The following ITPKB variants were observed in gnomAD, a reference collection of about 807,000 sequenced individuals.
ITPKB encodes inositol-trisphosphate 3-kinase B, also known as IP3 3-kinase B.
ITPKB carries 13 observed loss-of-function variants against 69.4 expected under a neutral mutation model. The observed-to-expected ratio is 0.19, with a 90% confidence interval of 0.12 to 0.30. The LOEUF is 0.30. Ranked by LOEUF, ITPKB falls within the 10% of genes least tolerant of loss-of-function variation. The pLI is 1.00. For missense variants in ITPKB, 1,240 were observed against 1,250.5 expected, an observed-to-expected ratio of 0.99 and a Z score of 0.13; for synonymous variants, 584 against 513.7, an observed-to-expected ratio of 1.14 and a Z score of -1.85.
intron 2 of ITPKB, among the ~76,000 whole-genome samples, chr1:226,649,305 GTGTGTGCATA>G (rs1350257210): frequency 2.7e-5 from 4 of 148,960 alleles, no homozygotes; most frequent in Admixed American, 1.3e-4. Context: ...GTGTGCATGT[GTGTGTGCATA>G]TGTGTGCATG....
chr1:226,719,215 G>T (rs866910145), intron 2 of ITPKB, among the ~76,000 whole-genome samples: 1 of 152,188 alleles, frequency 6.6e-6, no homozygotes, highest in African/African-American at 2.4e-5. Context: ...GGAGGCAGAG[G>T]TTCCAGTGAG....
intron 2 of ITPKB, among the ~76,000 whole-genome samples, chr1:226,677,783 G>A (rs930786656): frequency 2.6e-5 from 4 of 152,210 alleles, no homozygotes; most frequent in African/African-American, 9.7e-5. Flanking sequence ...ACCACTGAAA[G>A]AGCACCCATT....
chr1:226,669,613 G>A (rs1272821008), intron 2 of ITPKB, among the ~76,000 whole-genome samples: 2 of 152,220 alleles, frequency 1.3e-5, no homozygotes, highest in South Asian at 4.1e-4. Flanking sequence ...TATCCAAAAC[G>A]TGAAAACTCA....
intron 2 of ITPKB, among the ~76,000 whole-genome samples, chr1:226,649,777 C>G (rs947993034): frequency 8.6e-5 from 13 of 151,808 alleles, no homozygotes; most frequent in African/African-American, 3.1e-4. Context: ...TTCATTTATA[C>G]AACTACTTGA....
chr1:226,656,527 A>T (rs1669292772), intron 2 of ITPKB: 3 of 152,250 alleles, frequency 2.0e-5, no homozygotes, highest in Non-Finnish European at 4.4e-5. Context: ...TTCCAGTCCC[A>T]GTGTACCCCA....
At chr1:226,686,713 T>C (rs531069238) in intron 2 of ITPKB, among the ~76,000 whole-genome samples, 1 of 152,348 alleles carries the variant, frequency 6.6e-6, no homozygotes, top group Non-Finnish European at 1.5e-5. Flanking sequence ...GATTCTTTCA[T>C]GAAAGATCAT....
chr1:226,655,551 G>A (rs3754388), intron 2 of ITPKB, among the ~76,000 whole-genome samples: 3,241 of 152,212 alleles, frequency 0.021, 107 homozygotes, highest in Admixed American at 0.088. Context: ...TGGCAGGAGC[G>A]GTGAGGATGC....
chr1:226,737,573 C>T lies in ITPKB; in HGVS notation c.-115G>A. The T allele has an allele frequency of 1.7e-6, 2 of 1,209,050 alleles. No individual in the cohort carries two copies. Among genetic ancestry groups the T allele is most frequent in the Non-Finnish European group, 2.0e-6 (2 of 975,616 alleles). 74.9% of individuals were successfully genotyped at this position (1,209,050 alleles called of 1,614,324 possible). The stretch of plus-strand genomic sequence containing the variant: ...CGGAGGCCCGGCAGCCGCGGCTCCG[C>T]GCGCAGATGGGGCGGCATGGCCTGG... On this transcript the variant is annotated 5_prime_UTR_variant, in exon 2 of 8. Transcript: ENST00000429204.
At chr1:226,651,908 T>C (rs1669201552) in intron 2 of ITPKB, among the ~76,000 whole-genome samples, 1 of 152,152 alleles carries the variant, frequency 6.6e-6, no homozygotes, top group Admixed American at 6.5e-5. Flanking sequence ...CCTCCTCCAT[T>C]TCTTCACCAT....
intron 2 of ITPKB, chr1:226,707,959 G>A: frequency 1.6e-6 from 2 of 1,219,614 alleles, no homozygotes; most frequent in African/African-American, 1.6e-5. Context: ...AAATACTCAT[G>A]GCTGCATATG....
intron 2 of ITPKB, among the ~76,000 whole-genome samples, chr1:226,697,847 G>T (rs1177386483): frequency 6.6e-6 from 1 of 152,202 alleles, no homozygotes; most frequent in Non-Finnish European, 1.5e-5. Flanking sequence ...TGGCAGATGT[G>T]CCCTCACATC....
At chr1:226,722,738 G>C (rs1428835232) in intron 2 of ITPKB, among the ~76,000 whole-genome samples, 1 of 152,174 alleles carries the variant, frequency 6.6e-6, no homozygotes, top group African/African-American at 2.4e-5. Flanking sequence ...AAGAAACTGG[G>C]GCTTGGGGAG....
intron 6 of ITPKB, among the ~76,000 whole-genome samples, chr1:226,638,753 G>A (rs551032418): frequency 4.6e-5 from 7 of 152,108 alleles, no homozygotes; most frequent in Non-Finnish European, 1.0e-4. Context: ...GCGTGACCTC[G>A]GGCACACAAG....
Position 226,662,089 on chromosome 1 carries a change from G to A in ITPKB, c.1933-13318C>T, listed in dbSNP as rs1310150677. ...AGGCAGCCTGGCAGGAGAGCCACTAGAGGCTCTCGTGTTTCCTGAAAATCC... is the reference window on the plus strand; with the variant it reads ...AGGCAGCCTGGCAGGAGAGCCACTAAAGGCTCTCGTGTTTCCTGAAAATCC... On this transcript the variant is annotated intron_variant, in intron 2 of 7. Transcript: ENST00000429204. Among the ~76,000 whole-genome samples the A allele has an allele frequency of 2.0e-5, 3 of 152,158 alleles. No homozygotes were observed. In the East Asian group the frequency reaches 5.8e-4, roughly 29 times the overall value.
At position 226,738,570 on chromosome 1, in the gene ITPKB, G is replaced by A. The variant is rs1657889957; in HGVS notation, c.-206+471C>T. 6.6e-6 allele frequency among the ~76,000 whole-genome samples: 1 copy of A among 152,198 alleles called. No homozygotes were observed. Among genetic ancestry groups the A allele is most frequent in the African/African-American group, 2.4e-5 (1 of 41,454 alleles). ...GACGCGACTGCCCCTGCGGGCTCCC[G>A]GACCCGCGCCCACTCGGAGGAACTT... is the stretch of plus-strand genomic sequence containing the variant. On this transcript the variant is annotated intron_variant, in intron 1 of 7. Coordinates refer to ENST00000429204, the MANE Select transcript of ITPKB (RefSeq NM_002221.4). The surrounding 1 kb of genome is among the most constrained non-coding windows in gnomAD (Gnocchi z 4.2).
chr1:226,710,353 G>A (rs1003536397), intron 2 of ITPKB, among the ~76,000 whole-genome samples: 4 of 152,212 alleles, frequency 2.6e-5, no homozygotes, highest in Non-Finnish European at 2.9e-5. Flanking sequence ...GTAAGTTTCA[G>A]GGCCCAGTGC....
chr1:226,633,626 A>T lies in ITPKB; in HGVS notation c.*1045T>A, dbSNP rs1571830751. On this transcript the variant is annotated 3_prime_UTR_variant, in exon 8 of 8. Transcript: ENST00000429204. ...AGGCAGTAAGGCTTGTTTCAGAGGCAATAACAAATGATGCCAGGAGGCCAC... is the reference window on the plus strand; with the variant it reads ...AGGCAGTAAGGCTTGTTTCAGAGGCTATAACAAATGATGCCAGGAGGCCAC... The T allele has an allele frequency of 6.6e-6, 1 of 152,212 alleles. No homozygotes were observed. Among genetic ancestry groups the T allele is most frequent in the East Asian group, 1.9e-4 (1 of 5,188 alleles). The allele number at this position is 152,212 out of a possible 1,614,324, so 9.4% of individuals were successfully genotyped here.
intron 2 of ITPKB, chr1:226,657,093 C>G (rs1436813115): frequency 6.6e-6 from 1 of 152,244 alleles, no homozygotes; most frequent in African/African-American, 2.4e-5. Context: ...GCTTCCCGTC[C>G]CATGCCCATC....
intron 2 of ITPKB, among the ~76,000 whole-genome samples, chr1:226,685,236 T>C (rs931909660): frequency 6.6e-6 from 1 of 152,214 alleles, no homozygotes; most frequent in Non-Finnish European, 1.5e-5. Context: ...ATCCACAGGA[T>C]GTTTTAATTT....
Sources: allele counts gnomAD v4.1 joint callset (sites outside exome capture counted in the v4.1 genomes callset), GRCh38; gene constraint gnomAD v4.1.1; non-coding constraint Gnocchi (gnomAD v3.1); transcripts MANE v1.5; gene names NCBI Gene and HGNC (gene_info 2026-07-23, HGNC 2026-07-21).